Variants in GPHN observed in about 807,000 individuals in gnomAD.
The protein encoded by GPHN is gephyrin.
Under a neutral mutation model 95.5 loss-of-function variants are expected in GPHN, and 17 were observed. The observed-to-expected ratio is 0.18, with a 90% CI of 0.12 to 0.27. The LOEUF (loss-of-function observed/expected upper bound fraction) is 0.27. Among genes scored for constraint, GPHN ranks in the 10% least tolerant of loss-of-function variants. The pLI, the probability that GPHN is intolerant of heterozygous loss-of-function variation, is 1.00. For synonymous variants in GPHN, 320 were observed against 322.5 expected (o/e 0.99, Z 0.08); for missense variants, 660 against 978.1 (o/e 0.67, Z 4.34).
chr14:67,158,134 G>C (rs1331777663), intron 18 of GPHN, among the ~76,000 whole-genome samples: 2 of 151,762 alleles, frequency 1.3e-5, no homozygotes, highest in African/African-American at 4.8e-5. Flanking sequence ...TGGTGAAACA[G>C]TGTCTCTACT....
rs570720849 is a variant in GPHN at position 66,664,124 on chromosome 14, T to A, written c.65-16983T>A. On this transcript the variant is annotated intron_variant, in intron 1 of 22. Coordinates refer to ENST00000478722, the MANE Select transcript of GPHN (RefSeq NM_020806.5). The stretch of plus-strand genomic sequence containing the variant: ...GATCTGAACTCAGATCTGGATTAAA[T>A]GGACCTGATATATATCTACAGAACT... 8.9e-4 allele frequency among the ~76,000 whole-genome samples: 136 copies of A among 152,320 alleles called. 1 individual carries two copies. The highest frequency in any genetic ancestry group is 3.2e-3 in the African/African-American group (132 of 41,554).
intron 1 of GPHN, among the ~76,000 whole-genome samples, chr14:66,627,907 A>G (rs2063583705): frequency 6.6e-6 from 1 of 152,086 alleles, no homozygotes; most frequent in Non-Finnish European, 1.5e-5. Flanking sequence ...TCTCTCTTCT[A>G]CCTACTGTTA....
the GPHN span, among the ~76,000 whole-genome samples, chr14:67,602,810 G>C: frequency 6.6e-6 from 1 of 152,250 alleles, no homozygotes; most frequent in African/African-American, 2.4e-5. Context: ...CAAAATTGCA[G>C]TAATTATTAA....
chr14:66,607,446 C>G (rs2062587345), intron 1 of GPHN, among the ~76,000 whole-genome samples: 1 of 150,048 alleles, frequency 6.7e-6, no homozygotes, highest in Admixed American at 6.6e-5. Context: ...GGGATATTGG[C>G]CTGAAGTTTT....
chr14:66,862,506 C>T (rs889456586), intron 4 of GPHN, among the ~76,000 whole-genome samples: 1 of 151,894 alleles, frequency 6.6e-6, no homozygotes, highest in African/African-American at 2.4e-5. Context: ...TACCCTGATA[C>T]CAAAATCAGG....
the GPHN span, chr14:67,583,643 G>A: frequency 1.2e-6 from 1 of 844,302 alleles, no homozygotes; most frequent in South Asian, 2.0e-5. Context: ...CCCACCAATA[G>A]GGTAATAAAG....
Position 66,899,298 on chromosome 14 carries a change from ATTTTG to A in GPHN, c.390-16704_390-16700del, listed in dbSNP as rs554504914. ...TGTCCTAGCTAAAACTTCCAGTGCTATTTTGAATAGCCATGGTGAAAATGGATATC... is the reference window on the plus strand; with the variant it reads ...TGTCCTAGCTAAAACTTCCAGTGCTAAATAGCCATGGTGAAAATGGATATC... On this transcript the variant is annotated intron_variant, in intron 5 of 22. Coordinates refer to ENST00000478722, the MANE Select transcript of GPHN (RefSeq NM_020806.5). 2.0e-5 allele frequency among the ~76,000 whole-genome samples: 3 copies of A among 151,924 alleles called. 1 individual carries two copies. The South Asian group carries it at 6.2e-4, about 32-fold the overall frequency.
chr14:67,030,004 T>C (rs2074117339), intron 10 of GPHN, among the ~76,000 whole-genome samples: 1 of 139,154 alleles, frequency 7.2e-6, no homozygotes, highest in Admixed American at 7.2e-5. Context: ...TTTTTTTTTT[T>C]TGGCCCAGTC....
At chr14:67,720,362 T>C in the GPHN span, among the ~76,000 whole-genome samples, 1 of 152,250 alleles carries the variant, frequency 6.6e-6, no homozygotes. Flanking sequence ...TGATGGTTTT[T>C]GTCATGCTCA....
intron 11 of GPHN, among the ~76,000 whole-genome samples, chr14:67,086,911 G>A (rs922989534): frequency 9.3e-5 from 14 of 150,804 alleles, no homozygotes; most frequent in African/African-American, 2.4e-4. Context: ...GGTGGCGGGC[G>A]CCTGTAGTCC....
chr14:66,680,039 G>C (rs1391001405), intron 1 of GPHN, among the ~76,000 whole-genome samples: 1 of 152,122 alleles, frequency 6.6e-6, no homozygotes, highest in East Asian at 1.9e-4. Flanking sequence ...GTATTAGAAA[G>C]ATAAGATCAA....
the GPHN span, among the ~76,000 whole-genome samples, chr14:67,639,888 G>A: frequency 1.5e-5 from 2 of 133,480 alleles, no homozygotes; most frequent in Admixed American, 9.0e-5. Flanking sequence ...TTGTGCCACT[G>A]CACTCCAGCC....
At chr14:67,713,728 T>G in the GPHN span, among the ~76,000 whole-genome samples, 2 of 152,250 alleles carry the variant, frequency 1.3e-5, no homozygotes, top group African/African-American at 4.8e-5. Flanking sequence ...CAGGAGGTCC[T>G]GACGACATGT....
the GPHN span, chr14:67,715,225 A>AGG: frequency 2.0e-5 from 3 of 150,594 alleles, no homozygotes; most frequent in African/African-American, 4.9e-5. Context: ...AAAAAATAAA[A>AGG]GGGGGGGAGC....
At chr14:66,623,617 C>CAAA (rs57810648) in intron 1 of GPHN, among the ~76,000 whole-genome samples, 2 of 91,524 alleles carry the variant, frequency 2.2e-5, no homozygotes, top group African/African-American at 3.1e-5. Flanking sequence ...GACTCTGTTT[C>CAAA]AAAAAAAAAA....
At chr14:67,015,392 G>A (rs902047956) in intron 9 of GPHN, among the ~76,000 whole-genome samples, 1 of 151,992 alleles carries the variant, frequency 6.6e-6, no homozygotes, top group Admixed American at 6.6e-5. Flanking sequence ...CTCTTATGTT[G>A]TACATAGATT....
the GPHN span, among the ~76,000 whole-genome samples, chr14:67,211,424 A>G: frequency 6.6e-6 from 1 of 152,180 alleles, no homozygotes. Flanking sequence ...AACTGAACCT[A>G]GAGGAGAACT....
intron 21 of GPHN, 170 bp downstream of exon 21, chr14:67,169,206 A>G (rs936587380): frequency 9.1e-5 from 58 of 634,816 alleles, no homozygotes; most frequent in Non-Finnish European, 8.4e-6. Flanking sequence ...GGTCCCTTTA[A>G]TTCTCCTACT....
the GPHN span, among the ~76,000 whole-genome samples, chr14:67,414,779 A>G: frequency 6.6e-6 from 1 of 152,278 alleles, no homozygotes; most frequent in Non-Finnish European, 1.5e-5. Context: ...TATTCACAAT[A>G]AATGCCTGGA....
Sources: gnomAD v4.1 joint callset for allele counts (sites outside exome capture counted in the v4.1 genomes callset) on GRCh38, gnomAD v4.1.1 for gene constraint, MANE v1.5 for transcripts, NCBI Gene and HGNC (gene_info 2026-07-23, HGNC 2026-07-21) for gene names.